KL: variants seen among roughly 807,000 people sequenced by gnomAD.
The protein encoded by KL is alpha-klotho.
A neutral mutation model predicts 84.2 loss-of-function variants in KL; 62 were observed. The observed-to-expected ratio is 0.74, with a 90% confidence interval of 0.60 to 0.91. The LOEUF (loss-of-function observed/expected upper bound fraction) is 0.91. Ranked by LOEUF, KL falls within the 40% of genes least tolerant of loss-of-function variation. KL has a pLI of 0.00. For synonymous variants in KL, 528 were observed against 528.0 expected, an observed-to-expected ratio of 1.00 and a Z score of 0.00; for missense variants, 1,261 against 1,305.7, an observed-to-expected ratio of 0.97 and a Z score of 0.53.
At chr13:33,050,052 C>G (rs532565017) in intron 1 of KL, among the ~76,000 whole-genome samples, 1 of 152,134 alleles carries the variant, frequency 6.6e-6, no homozygotes, top group African/African-American at 2.4e-5. Flanking sequence ...TATTCTTTTG[C>G]ATTATCCTGA....
At chr13:33,049,277 C>T (rs1355487304) in intron 1 of KL, among the ~76,000 whole-genome samples, 1 of 152,176 alleles carries the variant, frequency 6.6e-6, no homozygotes, top group African/African-American at 2.4e-5. Flanking sequence ...AATGTTGCTT[C>T]TGTCCTAGAC....
rs986139211 is a variant in KL, at chr13:33,064,514, G to A, written c.*328G>A. ...GCAGAAATTTGAATGACAAGATTAG[G>A]AATATTTTCTTCTGCACCCACTTCT... is the stretch of plus-strand genomic sequence containing the variant. On this transcript the variant is annotated 3_prime_UTR_variant, in exon 5 of 5. Transcript: ENST00000380099. The A allele has an allele frequency of 1.3e-4, 37 of 293,764 alleles. No homozygotes were observed. The highest frequency in any genetic ancestry group is 2.2e-4 in the Non-Finnish European group (34 of 155,770). The allele number at this position is 293,764 out of a possible 1,614,324, so 18.2% of individuals were successfully genotyped here. A position where few individuals can be genotyped will look rare whatever the true frequency, so the allele number is the denominator to read the frequency against.
rs556737904 is a variant in KL, at chr13:33,065,236, C to T, written c.*1050C>T. On this transcript the variant is annotated 3_prime_UTR_variant, in exon 5 of 5. Coordinates refer to ENST00000380099, the MANE Select transcript of KL (RefSeq NM_004795.4). ...AATTCTTAATAGGTTCAAAAGCAAT[C>T]TGGTCTGAATAACACTGGATTTGTT... is the stretch of plus-strand genomic sequence containing the variant. The T allele has an allele frequency of 1.4e-4, 31 of 216,984 alleles. No homozygotes were observed. Among genetic ancestry groups the T allele is most frequent in the African/African-American group, 6.5e-4 (29 of 44,466 alleles). The allele number at this position is 216,984 out of a possible 1,614,324, so 13.4% of individuals were successfully genotyped here. A position where few individuals can be genotyped will look rare whatever the true frequency, so the allele number is the denominator to read the frequency against.
At position 33,061,021 on chromosome 13, in the gene KL, C is replaced by T. The variant is rs1426759598; in HGVS notation, c.1942C>T (p.Pro648Ser). 6.2e-7 allele frequency: 1 copy of T among 1,612,314 alleles called. No individual in the cohort carries two copies. Among genetic ancestry groups the T allele is most frequent in the Non-Finnish European group, 8.5e-7 (1 of 1,178,658 alleles). The change falls in exon 4 of 5, where the codon CCG becomes TCG. Residue 648 changes from proline to serine, a missense_variant. By Grantham distance (74) the Pro-to-Ser change is moderately conservative. Coordinates refer to ENST00000380099, the MANE Select transcript of KL (RefSeq NM_004795.4). ...WQPMAPNQGLPRLLARQGAWE... is the reference protein window; with the variant it reads ...WQPMAPNQGLSRLLARQGAWE... Reference sequence around the variant, plus strand: ...GCCTATGGCCCCGAACCAAGGACTGCCGCGCCTCCTGGCCAGGCAGGGCGC... The same window carrying T: ...GCCTATGGCCCCGAACCAAGGACTGTCGCGCCTCCTGGCCAGGCAGGGCGC...
At chr13:33,045,541 C>T (rs1871495141) in intron 1 of KL, among the ~76,000 whole-genome samples, 2 of 152,076 alleles carry the variant, frequency 1.3e-5, no homozygotes, top group African/African-American at 2.4e-5. Flanking sequence ...AGTGCAGTGG[C>T]GTGATCTCGG....
intron 1 of KL, among the ~76,000 whole-genome samples, chr13:33,043,722 G>A (rs536363042): frequency 6.6e-6 from 1 of 152,084 alleles, no homozygotes; most frequent in South Asian, 2.1e-4. Flanking sequence ...CTACTGATAG[G>A]TAGGCTTACG....
intron 1 of KL, among the ~76,000 whole-genome samples, chr13:33,032,909 CAAGA>C (rs1354972472): frequency 1.3e-5 from 2 of 151,988 alleles, no homozygotes; most frequent in Non-Finnish European, 2.9e-5. Context: ...TTTCCCTCAG[CAAGA>C]AAGAATCTTT....
At chr13:33,051,352 C>T (rs1478499717) in intron 1 of KL, among the ~76,000 whole-genome samples, 1 of 152,060 alleles carries the variant, frequency 6.6e-6, no homozygotes, top group Non-Finnish European at 1.5e-5. Context: ...CCAGCCAGGG[C>T]AACACAGCAA....
At chr13:33,042,872 G>T (rs1871387354) in intron 1 of KL, among the ~76,000 whole-genome samples, 1 of 152,082 alleles carries the variant, frequency 6.6e-6, no homozygotes, top group African/African-American at 2.4e-5. Context: ...AGTAGAGACG[G>T]GGTTTCACCA....
rs1412073676 is a variant in KL, at chr13:33,022,403, G to A, written c.819+5144G>A. Among the ~76,000 whole-genome samples, 5 of 152,278 alleles carry A rather than the reference G, an allele frequency of 3.3e-5. No individual in the cohort carries two copies. The East Asian group carries it at 7.7e-4, about 23-fold the overall frequency. On this transcript the variant is annotated intron_variant, in intron 1 of 4. Coordinates refer to ENST00000380099, the MANE Select transcript of KL (RefSeq NM_004795.4). ...TTTTGAGGCATAAAGGAAATTTTAGGTGGAGGAGGAGAATAGAATACATGC... is the reference window on the plus strand; with the variant it reads ...TTTTGAGGCATAAAGGAAATTTTAGATGGAGGAGGAGAATAGAATACATGC...
At chr13:33,056,588 G>A (rs1235343465) in intron 3 of KL, among the ~76,000 whole-genome samples, 8 of 149,168 alleles carry the variant, frequency 5.4e-5, no homozygotes, top group Non-Finnish European at 1.0e-4. Flanking sequence ...GAGGTCAGGA[G>A]ATCAAGACCA....
Position 33,016,471 on chromosome 13 carries a change from C to T in KL, c.31C>T (p.Arg11Trp). The change falls in exon 1 of 5, where the codon CGG (arginine) becomes TGG (tryptophan). Residue 11 changes from arginine to tryptophan, a missense_variant. Arg to Trp is a moderately radical substitution (Grantham distance 101). Transcript: ENST00000380099. ...CGCCAGCGCCCCGCCGCGCCGCCCG[C>T]GGCCGCCGCCGCCGTCGCTGTCGCT... The part of the protein sequence containing the change: MPASAPPRRP[R>W]PPPPSLSLLL... The T allele has an allele frequency of 9.5e-7, 1 of 1,052,408 alleles. No individual in the cohort carries two copies. The allele number at this position is 1,052,408 out of a possible 1,614,324, so 65.2% of individuals were successfully genotyped here.
intron 1 of KL, among the ~76,000 whole-genome samples, chr13:33,024,089 A>T (rs981077360): frequency 6.6e-6 from 1 of 152,190 alleles, no homozygotes; most frequent in African/African-American, 2.4e-5. Flanking sequence ...AATCTCAAAG[A>T]ATAAAGCAAG....
Position 33,065,516 on chromosome 13 carries a change from A to G in KL, c.*1330A>G, listed in dbSNP as rs2138249808. The G allele has an allele frequency of 1.1e-5, 2 of 188,264 alleles. No homozygotes were observed. Among genetic ancestry groups the G allele is most frequent in the East Asian group, 1.7e-4 (2 of 11,688 alleles). 11.7% of individuals were successfully genotyped at this position (188,264 alleles called of 1,614,324 possible). ...AAGATAAACCAATGTCATAACAGGCATTGCCAACCTCACTGACACAGGGTC... is the reference window on the plus strand; with the variant it reads ...AAGATAAACCAATGTCATAACAGGCGTTGCCAACCTCACTGACACAGGGTC... On this transcript the variant is annotated 3_prime_UTR_variant, in exon 5 of 5. Transcript: ENST00000380099.
At chr13:33,053,254 G>C (rs1871819650) in intron 1 of KL, among the ~76,000 whole-genome samples, 2 of 152,136 alleles carry the variant, frequency 1.3e-5, no homozygotes, top group African/African-American at 4.8e-5. Context: ...AAAGAAGATT[G>C]CTTGTTAGAA....
At chr13:33,031,151 A>G (rs1870957187) in intron 1 of KL, among the ~76,000 whole-genome samples, 1 of 152,220 alleles carries the variant, frequency 6.6e-6, no homozygotes, top group Non-Finnish European at 1.5e-5. Flanking sequence ...AAGGGTATTG[A>G]AAGTTCACCT....
chr13:33,042,367 G>T (rs754342027), intron 1 of KL, among the ~76,000 whole-genome samples: 1 of 152,092 alleles, frequency 6.6e-6, no homozygotes, highest in East Asian at 1.9e-4. Flanking sequence ...ACCCCAGAAA[G>T]TTTCTTTGTG....
At chr13:33,044,281 T>C (rs1871441914) in intron 1 of KL, among the ~76,000 whole-genome samples, 1 of 152,254 alleles carries the variant, frequency 6.6e-6, no homozygotes, top group South Asian at 2.1e-4. Context: ...ACTGTGTTTT[T>C]CCTTTTTCTA....
chr13:33,020,552 C>A (rs1870538860), intron 1 of KL, among the ~76,000 whole-genome samples: 1 of 139,048 alleles, frequency 7.2e-6, no homozygotes, highest in African/African-American at 2.5e-5. Context: ...TCGAACACAT[C>A]CCAAACCAAA....
Sources: allele counts gnomAD v4.1 joint callset (sites outside exome capture counted in the v4.1 genomes callset), GRCh38; gene constraint gnomAD v4.1.1; transcripts MANE v1.5; gene names NCBI Gene and HGNC (gene_info 2026-07-23, HGNC 2026-07-21).